Variants in MSI2 observed in about 807,000 individuals in gnomAD.
The protein encoded by MSI2 is musashi RNA binding protein 2.
In MSI2, 17 loss-of-function variants were observed where a neutral mutation model predicts 45.6. The observed-to-expected ratio is 0.37, with a 90% CI of 0.26 to 0.56. MSI2 has a LOEUF of 0.56. Ranked by LOEUF, MSI2 falls within the 20% of genes least tolerant of loss-of-function variation. The pLI, the probability that MSI2 is intolerant of heterozygous loss-of-function variation, is 0.77. For missense variants in MSI2, 293 were observed against 444.2 expected (o/e 0.66, Z 3.06); for synonymous variants, 156 against 158.2 (o/e 0.99, Z 0.11).
At chr17:57,499,325 G>A (rs1035706664) in intron 6 of MSI2, among the ~76,000 whole-genome samples, 5 of 148,020 alleles carry the variant, frequency 3.4e-5, no homozygotes, top group East Asian at 2.0e-4. Context: ...GCAGTGAGCC[G>A]AGATTGTGCC....
chr17:57,439,034 T>G (rs192328225), intron 6 of MSI2, among the ~76,000 whole-genome samples: 1 of 152,268 alleles, frequency 6.6e-6, no homozygotes, highest in African/African-American at 2.4e-5. Context: ...ACTCCTGACC[T>G]CAGGTGATCC....
At chr17:57,453,484 G>A (rs1162743769) in intron 6 of MSI2, among the ~76,000 whole-genome samples, 15 of 152,152 alleles carry the variant, frequency 9.9e-5, no homozygotes. Flanking sequence ...TTCCTATGTG[G>A]TGAGAAGTCA....
chr17:57,268,516 A>G (rs1164477858), intron 5 of MSI2: 3 of 150,468 alleles, frequency 2.0e-5, no homozygotes, highest in Non-Finnish European at 4.4e-5. Context: ...TCCATTGGAC[A>G]CAAGCATATT....
intron 4 of MSI2, among the ~76,000 whole-genome samples, chr17:57,260,336 A>G (rs1490480447): frequency 2.0e-5 from 3 of 152,172 alleles, no homozygotes; most frequent in African/African-American, 7.2e-5. Context: ...ACCATCCAGG[A>G]GTTCTGAATT....
chr17:57,375,843 G>A (rs774313664), intron 5 of MSI2, among the ~76,000 whole-genome samples: 10 of 152,202 alleles, frequency 6.6e-5, no homozygotes, highest in South Asian at 4.2e-4. Context: ...CCTTTCATTC[G>A]CGTTGCCCTT....
chr17:57,651,121 C>T (rs537683954), intron 10 of MSI2, among the ~76,000 whole-genome samples: 25 of 152,304 alleles, frequency 1.6e-4, no homozygotes, highest in Admixed American at 5.9e-4. Context: ...TGTGCGTGCA[C>T]GTGCTGGTGG....
In MSI2 at chr17:57,674,952, C is replaced by T. The variant is rs775093996; in HGVS notation, c.791-20C>T. 1.9e-5 allele frequency: 30 copies of T among 1,612,072 alleles called. No homozygotes were observed. Among genetic ancestry groups the T allele is most frequent in the Non-Finnish European group, 2.5e-5 (29 of 1,179,226 alleles). ...GCTACAGTGCTCAACCGAATTTTGGCGCGCCCGCTTCCCCGGCAGGCTCCA... is the reference window on the plus strand; with the variant it reads ...GCTACAGTGCTCAACCGAATTTTGGTGCGCCCGCTTCCCCGGCAGGCTCCA... On this transcript the variant is annotated intron_variant, in intron 11 of 13. Coordinates refer to ENST00000284073, the MANE Select transcript of MSI2 (RefSeq NM_138962.4).
intron 5 of MSI2, among the ~76,000 whole-genome samples, chr17:57,367,850 C>G (rs1423553198): frequency 6.6e-6 from 1 of 152,158 alleles, no homozygotes; most frequent in Non-Finnish European, 1.5e-5. Flanking sequence ...CAGGCCATCC[C>G]TCTTACAGCT....
intron 6 of MSI2, among the ~76,000 whole-genome samples, chr17:57,483,729 C>T (rs1029924942): frequency 5.3e-5 from 8 of 152,158 alleles, no homozygotes; most frequent in South Asian, 2.1e-4. Flanking sequence ...AGAAACTACA[C>T]GCTGGATTCA....
At chr17:57,445,523 G>A (rs1368098864) in intron 6 of MSI2, among the ~76,000 whole-genome samples, 1 of 143,650 alleles carries the variant, frequency 7.0e-6, no homozygotes, top group Admixed American at 7.3e-5. Flanking sequence ...TTGGTGGTTA[G>A]GGGAGGGATG....
chr17:57,343,502 A>C (rs1197918419), intron 5 of MSI2, among the ~76,000 whole-genome samples: 3 of 152,054 alleles, frequency 2.0e-5, no homozygotes, highest in Non-Finnish European at 4.4e-5. Context: ...ATTAGGGAAT[A>C]ATTGTACGCA....
intron 5 of MSI2, among the ~76,000 whole-genome samples, chr17:57,296,869 A>G (rs1332467774): frequency 6.6e-6 from 1 of 152,110 alleles, no homozygotes; most frequent in Non-Finnish European, 1.5e-5. Flanking sequence ...ATTATTTTGA[A>G]ATATTAAGGC....
chr17:57,455,300 C>G (rs926566426), intron 6 of MSI2, among the ~76,000 whole-genome samples: 1 of 152,196 alleles, frequency 6.6e-6, no homozygotes, highest in Non-Finnish European at 1.5e-5. Flanking sequence ...CCCCCCAACT[C>G]ACACACAGGG....
chr17:57,546,597 T>C (rs2087173006), intron 7 of MSI2, among the ~76,000 whole-genome samples: 1 of 152,106 alleles, frequency 6.6e-6, no homozygotes, highest in Non-Finnish European at 1.5e-5. Context: ...TGTGGCATGG[T>C]GATAAAGGCC....
intron 5 of MSI2, among the ~76,000 whole-genome samples, chr17:57,337,661 G>A (rs1598139353): frequency 2.0e-5 from 3 of 152,158 alleles, no homozygotes; most frequent in African/African-American, 7.2e-5. Flanking sequence ...GACTCGGGCT[G>A]GGGGCTCCTT....
intron 6 of MSI2, among the ~76,000 whole-genome samples, chr17:57,501,862 A>G (rs1372284234): frequency 6.6e-6 from 1 of 152,232 alleles, no homozygotes; most frequent in East Asian, 1.9e-4. Context: ...TGTATTTAAG[A>G]TAACTTCAGT....
At chr17:57,563,746 G>GCGCGCACACACACACACACACA (rs534460755) in intron 7 of MSI2, among the ~76,000 whole-genome samples, 7 of 139,294 alleles carry the variant, frequency 5.0e-5, no homozygotes, top group Middle Eastern at 3.2e-3. Flanking sequence ...ACACAGGCGC[G>GCGCGCACACACACACACACACA]CACACACACA....
intron 7 of MSI2, among the ~76,000 whole-genome samples, chr17:57,580,415 A>G (rs529051301): frequency 6.6e-6 from 1 of 152,226 alleles, no homozygotes; most frequent in South Asian, 2.1e-4. Flanking sequence ...CTTGGCCCCC[A>G]GCCTACAGGA....
intron 6 of MSI2, among the ~76,000 whole-genome samples, chr17:57,493,787 C>A (rs998129850): frequency 6.6e-6 from 1 of 152,054 alleles, no homozygotes; most frequent in African/African-American, 2.4e-5. Context: ...CTTGCTCTTC[C>A]TCCCCTTGGA....
Sources: allele counts gnomAD v4.1 joint callset (sites outside exome capture counted in the v4.1 genomes callset), GRCh38; gene constraint gnomAD v4.1.1; transcripts MANE v1.5; gene names NCBI Gene and HGNC (gene_info 2026-07-23, HGNC 2026-07-21).